MSRB3: variants seen among roughly 807,000 people sequenced by gnomAD.
The protein encoded by MSRB3 is methionine sulfoxide reductase B3.
Under a neutral mutation model 21.0 loss-of-function variants are expected in MSRB3, and 13 were observed. The ratio of observed to expected loss-of-function variants is 0.62; its 90% CI spans 0.40 to 0.98. The LOEUF is 0.98. Among genes scored for constraint, MSRB3 ranks in the 50% least tolerant of loss-of-function variants. MSRB3 has a pLI of 0.00. For missense variants in MSRB3, 199 were observed against 230.3 expected (o/e 0.86, Z 0.88); for synonymous variants, 87 against 88.6 (o/e 0.98, Z 0.10).
At chr12:65,331,075 G>C (rs1490032421) in intron 4 of MSRB3, among the ~76,000 whole-genome samples, 1 of 151,988 alleles carries the variant, frequency 6.6e-6, no homozygotes, top group African/African-American at 2.4e-5. Flanking sequence ...GTATCTCTAA[G>C]GTTTTGTCAA....
intron 4 of MSRB3, among the ~76,000 whole-genome samples, chr12:65,348,524 T>C (rs1363364898): frequency 2.6e-5 from 4 of 152,086 alleles, no homozygotes; most frequent in East Asian, 1.9e-4. Context: ...TTGTTGATCT[T>C]TTCAAAAAAC....
At chr12:65,396,236 C>T (rs1270650508) in intron 5 of MSRB3, among the ~76,000 whole-genome samples, 1 of 152,166 alleles carries the variant, frequency 6.6e-6, no homozygotes, top group Non-Finnish European at 1.5e-5. Flanking sequence ...TTAAACTTCT[C>T]TTGCATTTTC....
chr12:65,353,301 A>G (rs2037734898), intron 4 of MSRB3, among the ~76,000 whole-genome samples: 1 of 152,102 alleles, frequency 6.6e-6, no homozygotes, highest in Non-Finnish European at 1.5e-5. Context: ...TATCTCGTTG[A>G]TCTGTCTAAT....
intron 4 of MSRB3, among the ~76,000 whole-genome samples, chr12:65,358,970 C>A (rs970154723): frequency 4.6e-5 from 7 of 151,656 alleles, no homozygotes; most frequent in African/African-American, 1.7e-4. Flanking sequence ...TTTCTTTCTT[C>A]TTCCCCCTCC....
At chr12:65,455,925 A>T (rs966263235) in intron 6 of MSRB3, among the ~76,000 whole-genome samples, 1 of 152,014 alleles carries the variant, frequency 6.6e-6, no homozygotes. Context: ...TTTGGTAGAG[A>T]TAGGGTTTCA....
At chr12:65,357,556 A>G (rs183568185) in intron 4 of MSRB3, among the ~76,000 whole-genome samples, 5 of 151,898 alleles carry the variant, frequency 3.3e-5, no homozygotes, top group Non-Finnish European at 5.9e-5. Flanking sequence ...TTTTTTTCAT[A>G]CTTTCTTAGT....
Position 65,308,521 on chromosome 12 carries a change from C to T in MSRB3, c.-51-8C>T, listed in dbSNP as rs1873790777. On this transcript the variant is annotated splice_region_variant and splice_polypyrimidine_tract_variant and intron_variant, in intron 1 of 6. Transcript: ENST00000308259. ...TTGATTTTTGTTTTTGTTTTTTCTC[C>T]TACTCAGCTCTTGCCCCTGTTCTTT... The T allele has an allele frequency of 2.5e-6, 4 of 1,613,364 alleles. No individual in the cohort carries two copies. Among genetic ancestry groups the T allele is most frequent in the Non-Finnish European group, 3.4e-6 (4 of 1,179,628 alleles).
chr12:65,378,866 A>G (rs534685476), intron 5 of MSRB3, among the ~76,000 whole-genome samples: 46 of 152,188 alleles, frequency 3.0e-4, no homozygotes, highest in Middle Eastern at 3.2e-3. Context: ...TTTGTAAGTA[A>G]TCCAGCTATA....
At chr12:65,329,572 C>G (rs1402941300) in intron 4 of MSRB3, among the ~76,000 whole-genome samples, 1 of 151,872 alleles carries the variant, frequency 6.6e-6, no homozygotes, top group Non-Finnish European at 1.5e-5. Context: ...ATCACTTGAA[C>G]CCAGGAGGCG....
At chr12:65,330,919 T>C (rs1875374108) in intron 4 of MSRB3, among the ~76,000 whole-genome samples, 1 of 152,176 alleles carries the variant, frequency 6.6e-6, no homozygotes, top group South Asian at 2.1e-4. Context: ...CATGTATTCA[T>C]ATCTTTATTC....
chr12:65,443,055 T>A (rs752878346), intron 5 of MSRB3, among the ~76,000 whole-genome samples: 3 of 152,108 alleles, frequency 2.0e-5, no homozygotes, highest in Middle Eastern at 3.2e-3. Context: ...CCCCTGTCAA[T>A]TCCTGCTTAG....
At chr12:65,438,524 C>T (rs894949738) in intron 5 of MSRB3, among the ~76,000 whole-genome samples, 1 of 151,770 alleles carries the variant, frequency 6.6e-6, no homozygotes, top group African/African-American at 2.4e-5. Flanking sequence ...TAAGGATAAA[C>T]ACAAAATCTT....
chr12:65,408,027 C>G (rs1384309466), intron 5 of MSRB3, among the ~76,000 whole-genome samples: 1 of 151,436 alleles, frequency 6.6e-6, no homozygotes, highest in East Asian at 1.9e-4. Context: ...ATTAGAAAAT[C>G]TCTGTCCTAT....
intron 5 of MSRB3, among the ~76,000 whole-genome samples, chr12:65,411,993 C>G (rs1880740107): frequency 6.6e-6 from 1 of 152,050 alleles, no homozygotes; most frequent in South Asian, 2.1e-4. Context: ...CAGCATATAG[C>G]TTACTCAAGA....
At chr12:65,454,823 A>T (rs1883018275) in intron 6 of MSRB3, among the ~76,000 whole-genome samples, 1 of 152,218 alleles carries the variant, frequency 6.6e-6, no homozygotes, top group Non-Finnish European at 1.5e-5. Flanking sequence ...TGACACCCAC[A>T]ATCGAGAGAC....
intron 1 of MSRB3, among the ~76,000 whole-genome samples, chr12:65,302,283 A>G (rs1418592568): frequency 2.6e-5 from 4 of 152,174 alleles, no homozygotes; most frequent in Non-Finnish European, 4.4e-5. Context: ...GAATACAAAT[A>G]AAAAGTCTTC....
chr12:65,391,750 C>T (rs1297662528), intron 5 of MSRB3, among the ~76,000 whole-genome samples: 1 of 152,012 alleles, frequency 6.6e-6, no homozygotes, highest in African/African-American at 2.4e-5. Context: ...TATTTTTAAC[C>T]TATAATATAC....
At chr12:65,448,735 A>G (rs1479937813) in intron 5 of MSRB3, among the ~76,000 whole-genome samples, 4 of 152,204 alleles carry the variant, frequency 2.6e-5, no homozygotes, top group Non-Finnish European at 5.9e-5. Flanking sequence ...ACTGATAACT[A>G]CTGTATTGGA....
intron 5 of MSRB3, among the ~76,000 whole-genome samples, chr12:65,447,271 A>G (rs1882661461): frequency 6.6e-6 from 1 of 152,204 alleles, no homozygotes; most frequent in Non-Finnish European, 1.5e-5. Context: ...CTCCATGTTT[A>G]AATAGGAACT....
Sources: gnomAD v4.1 joint callset for allele counts (sites outside exome capture counted in the v4.1 genomes callset) on GRCh38, gnomAD v4.1.1 for gene constraint, MANE v1.5 for transcripts, NCBI Gene and HGNC (gene_info 2026-07-23, HGNC 2026-07-21) for gene names.